The following C1orf21 variants were observed in gnomAD, a reference collection of about 807,000 sequenced individuals.
C1orf21 encodes the protein chromosome 1 open reading frame 21.
A neutral mutation model predicts 18.7 loss-of-function variants in C1orf21; 3 were observed. The ratio of observed to expected loss-of-function variants is 0.16; its 90% CI spans 0.07 to 0.42. The LOEUF is 0.42. Among genes scored for constraint, C1orf21 ranks in the 10% least tolerant of loss-of-function variants. The probability of loss-of-function intolerance (pLI) is 0.99; values close to 1 mark genes in which losing one functional copy is unlikely to be tolerated. For missense variants in C1orf21, 104 were observed against 143.6 expected, an observed-to-expected ratio of 0.72 and a Z score of 1.41; for synonymous variants, 41 against 46.4, an observed-to-expected ratio of 0.88 and a Z score of 0.47.
At chr1:184,526,906 C>A (rs562872465) in intron 3 of C1orf21, among the ~76,000 whole-genome samples, 3 of 152,108 alleles carry the variant, frequency 2.0e-5, no homozygotes, top group African/African-American at 7.2e-5. Flanking sequence ...CCCGCAGTCC[C>A]GTCCTTAAGG....
chr1:184,477,267 G>A, intron 1 of C1orf21, 119 bp from the exon 2 acceptor site: 1 of 408,246 alleles, frequency 2.4e-6, no homozygotes, highest in African/African-American at 2.1e-5. Flanking sequence ...CAACACCAGT[G>A]CGATGGGTGG....
At chr1:184,505,553 A>T (rs1044109879) in intron 2 of C1orf21, among the ~76,000 whole-genome samples, 8 of 151,780 alleles carry the variant, frequency 5.3e-5, no homozygotes, top group African/African-American at 1.9e-4. Flanking sequence ...ACCTGAGGTC[A>T]GGAGTTCGAG....
chr1:184,482,655 ATGT>A (rs1657675585), intron 2 of C1orf21, among the ~76,000 whole-genome samples: 1 of 152,130 alleles, frequency 6.6e-6, no homozygotes, highest in African/African-American at 2.4e-5. Context: ...TTATTACCAC[ATGT>A]TGTTGAAGAT....
intron 1 of C1orf21, among the ~76,000 whole-genome samples, chr1:184,458,535 A>G (rs965515964): frequency 1.3e-5 from 2 of 152,206 alleles, no homozygotes; most frequent in African/African-American, 4.8e-5. Flanking sequence ...TACCTGGCAC[A>G]TGTGTACTGA....
intron 2 of C1orf21, among the ~76,000 whole-genome samples, chr1:184,479,482 A>T (rs1411715852): frequency 6.6e-6 from 1 of 152,180 alleles, no homozygotes; most frequent in East Asian, 1.9e-4. Flanking sequence ...ATACTTGGAA[A>T]CTGAACACAG....
chr1:184,387,115 C>T lies in C1orf21; in HGVS notation c.-378C>T, dbSNP rs2102053880. ...CGCCGCGGCCGCTGCTTCTTTCACA[C>T]TTTAGTTGGGAGCTGCGCGCCGCGC... On this transcript the variant is annotated 5_prime_UTR_variant, in exon 1 of 6. Transcript: ENST00000235307. The surrounding 1 kb of genome is among the most constrained non-coding windows in gnomAD (Gnocchi z 5.6). 6.6e-6 allele frequency: 1 copy of T among 151,952 alleles called. No individual in the cohort carries two copies. The highest frequency in any genetic ancestry group is 2.1e-4 in the South Asian group (1 of 4,830). The allele number at this position is 151,952 out of a possible 1,614,324, so 9.4% of individuals were successfully genotyped here. A position where few individuals can be genotyped will look rare whatever the true frequency, so the allele number is the denominator to read the frequency against.
chr1:184,426,862 G>C (rs1266635096), intron 1 of C1orf21, among the ~76,000 whole-genome samples: 2 of 152,146 alleles, frequency 1.3e-5, no homozygotes, highest in Non-Finnish European at 2.9e-5. Context: ...ATGATGGCTG[G>C]ATAAACATAA....
At chr1:184,595,105 G>T (rs1659495130) in intron 4 of C1orf21, among the ~76,000 whole-genome samples, 2 of 152,184 alleles carry the variant, frequency 1.3e-5, no homozygotes, top group Non-Finnish European at 2.9e-5. Context: ...CTCCAGTGCT[G>T]CATTGAGTTT....
chr1:184,501,814 C>G (rs1657980462), intron 2 of C1orf21, among the ~76,000 whole-genome samples: 1 of 152,032 alleles, frequency 6.6e-6, no homozygotes, highest in Admixed American at 6.5e-5. Flanking sequence ...CCTTTTTGGG[C>G]CAGAAGTGTC....
intron 3 of C1orf21, among the ~76,000 whole-genome samples, chr1:184,551,294 G>A (rs1404724151): frequency 6.6e-6 from 1 of 152,132 alleles, no homozygotes; most frequent in Non-Finnish European, 1.5e-5. Context: ...AACTAATAAT[G>A]GGATGGGGAA....
At chr1:184,397,993 A>G (rs1194882129) in intron 1 of C1orf21, among the ~76,000 whole-genome samples, 2 of 152,170 alleles carry the variant, frequency 1.3e-5, no homozygotes, top group Non-Finnish European at 2.9e-5. Context: ...CTTATTGCAG[A>G]GTATGTTTGT....
chr1:184,571,202 C>T (rs2101989962), intron 3 of C1orf21, among the ~76,000 whole-genome samples: 1 of 144,966 alleles, frequency 6.9e-6, no homozygotes, highest in South Asian at 2.2e-4. Context: ...GAGGCTGAGG[C>T]AGGAGAATGG....
At chr1:184,567,739 A>T (rs760130978) in intron 3 of C1orf21, 4 of 319,116 alleles carry the variant, frequency 1.3e-5, no homozygotes, top group Non-Finnish European at 2.6e-5. Context: ...AATTGTTGCT[A>T]TGTGAACCCA....
At chr1:184,610,678 C>G (rs2102008158) in intron 5 of C1orf21, among the ~76,000 whole-genome samples, 1 of 152,116 alleles carries the variant, frequency 6.6e-6, no homozygotes, top group African/African-American at 2.4e-5. Flanking sequence ...AATCCTGTCT[C>G]TACTAAAAAT....
At chr1:184,525,419 A>G (rs566838147) in intron 3 of C1orf21, among the ~76,000 whole-genome samples, 1 of 152,116 alleles carries the variant, frequency 6.6e-6, no homozygotes, top group East Asian at 1.9e-4. Context: ...TCCATCATTT[A>G]GCTTTTCTAT....
intron 3 of C1orf21, among the ~76,000 whole-genome samples, chr1:184,531,649 G>C (rs1658463886): frequency 6.6e-6 from 1 of 152,116 alleles, no homozygotes. Context: ...ATTAGGGCCA[G>C]ATTTTTTTTT....
chr1:184,491,900 C>T (rs189703404), intron 2 of C1orf21, among the ~76,000 whole-genome samples: 52 of 152,274 alleles, frequency 3.4e-4, no homozygotes, highest in Middle Eastern at 6.8e-3. Flanking sequence ...TTTTAGCTAA[C>T]GGGCCTTGTC....
chr1:184,425,044 C>T (rs1030708959), intron 1 of C1orf21, among the ~76,000 whole-genome samples: 1 of 152,128 alleles, frequency 6.6e-6, no homozygotes, highest in Non-Finnish European at 1.5e-5. Context: ...AAATGTCACA[C>T]CATTGGCTTT....
chr1:184,473,554 A>T (rs901761375), intron 1 of C1orf21, among the ~76,000 whole-genome samples: 2 of 152,122 alleles, frequency 1.3e-5, no homozygotes, highest in African/African-American at 4.8e-5. Flanking sequence ...GTCTTTGGGG[A>T]TATGTTTTTG....
Sources: gnomAD v4.1 joint callset for allele counts (sites outside exome capture counted in the v4.1 genomes callset) on GRCh38, gnomAD v4.1.1 for gene constraint, Gnocchi (gnomAD v3.1) non-coding constraint, MANE v1.5 for transcripts, NCBI Gene and HGNC (gene_info 2026-07-23, HGNC 2026-07-21) for gene names.